The following SH3RF2 variants were observed in gnomAD, a reference collection of about 807,000 sequenced individuals.
SH3RF2 encodes the protein SH3 domain containing ring finger 2, also known as E3 ubiquitin-protein ligase SH3RF2.
Under a neutral mutation model 59.0 loss-of-function variants are expected in SH3RF2, and 43 were observed. The observed-to-expected ratio is 0.73, with a 90% CI of 0.57 to 0.94. SH3RF2 has a LOEUF of 0.94. Ranked by LOEUF, SH3RF2 falls within the 40% of genes least tolerant of loss-of-function variation. The pLI is 0.00. For missense variants in SH3RF2, 930 were observed against 940.1 expected (o/e 0.99, Z 0.14); for synonymous variants, 391 against 391.5 (o/e 1.00, Z 0.01).
intron 2 of SH3RF2, among the ~76,000 whole-genome samples, chr5:145,940,844 C>T (rs1366784268): frequency 6.6e-6 from 1 of 150,604 alleles, no homozygotes. Flanking sequence ...ATCTCCAAAA[C>T]ACTTTGAGAG....
chr5:146,067,366 T>C (rs947410307), downstream of SH3RF2, among the ~76,000 whole-genome samples: 6 of 152,198 alleles, frequency 3.9e-5, no homozygotes, highest in Admixed American at 1.3e-4. Flanking sequence ...CACAGCAGCC[T>C]GCTTCACTCA....
rs576790611 is a variant in SH3RF2 at position 146,043,400 on chromosome 5, T to TG, written c.1060-4371dup. Among the ~76,000 whole-genome samples the TG allele has an allele frequency of 6.1e-3, 933 of 152,312 alleles. 11 individuals are homozygous for TG. The highest frequency in any genetic ancestry group is 0.021 in the African/African-American group (893 of 41,560). ...CCTTCCCTAATTCCAGACCTCGAGC[T>TG]GAGTCAAGCTAAGGCCTCTTGGATG... On this transcript the variant is annotated intron_variant, in intron 5 of 9. Transcript: ENST00000359120.
chr5:146,010,578 G>C, intron 4 of SH3RF2, among the ~76,000 whole-genome samples: 1 of 152,190 alleles, frequency 6.6e-6, no homozygotes, highest in Non-Finnish European at 1.5e-5. Context: ...ATTCTAACCG[G>C]TGTGAGATGG....
chr5:146,053,298 C>T (rs1433593049), intron 7 of SH3RF2, among the ~76,000 whole-genome samples: 1 of 152,170 alleles, frequency 6.6e-6, no homozygotes, highest in Non-Finnish European at 1.5e-5. Context: ...CTTCCCAGAT[C>T]CTGGAGACTT....
At chr5:146,013,631 G>A in intron 4 of SH3RF2, 116 bp from the exon 5 acceptor site, 1 of 1,027,548 alleles carries the variant, frequency 9.7e-7, no homozygotes, top group Non-Finnish European at 1.4e-6. Context: ...ATGAGCATCT[G>A]AGCCAGTGAC....
intron 2 of SH3RF2, among the ~76,000 whole-genome samples, chr5:145,998,596 C>CT (rs771941891): frequency 2.0e-5 from 3 of 152,150 alleles, no homozygotes; most frequent in East Asian, 1.9e-4. Context: ...AAGTCAAACA[C>CT]TTTTTTTTCA....
chr5:146,072,669 TA>T (rs909990516), intron 9 of SH3RF2, among the ~76,000 whole-genome samples: 6 of 148,470 alleles, frequency 4.0e-5, no homozygotes, highest in African/African-American at 9.9e-5. Context: ...GACTCCATCT[TA>T]AAAAAAAAAG....
chr5:146,040,149 A>G (rs1762073164), intron 5 of SH3RF2, among the ~76,000 whole-genome samples: 1 of 152,204 alleles, frequency 6.6e-6, no homozygotes, highest in Admixed American at 6.5e-5. Context: ...GAGAGACTTG[A>G]TTATGGGGGA....
chr5:146,019,014 C>G (rs1460503171), intron 5 of SH3RF2, among the ~76,000 whole-genome samples: 1 of 151,958 alleles, frequency 6.6e-6, no homozygotes, highest in Non-Finnish European at 1.5e-5. Flanking sequence ...GGATATTAGT[C>G]CTTTGTCAAA....
chr5:145,978,865 T>A (rs1742016047), intron 2 of SH3RF2, among the ~76,000 whole-genome samples: 1 of 152,094 alleles, frequency 6.6e-6, no homozygotes, highest in South Asian at 2.1e-4. Flanking sequence ...CTTCCTTTTT[T>A]TCATTTGCCT....
At chr5:145,970,436 T>G (rs766631810) in intron 2 of SH3RF2, among the ~76,000 whole-genome samples, 9 of 152,240 alleles carry the variant, frequency 5.9e-5, no homozygotes, top group Non-Finnish European at 4.4e-5. Flanking sequence ...TCCAGGTTGC[T>G]GAGAATGCCA....
chr5:146,044,323 G>A (rs905564387), intron 5 of SH3RF2, among the ~76,000 whole-genome samples: 1 of 151,900 alleles, frequency 6.6e-6, no homozygotes, highest in South Asian at 2.1e-4. Flanking sequence ...GCTAATTTTT[G>A]TATGTTTAGT....
chr5:145,952,835 G>A (rs1758244228), intron 2 of SH3RF2, among the ~76,000 whole-genome samples: 1 of 152,154 alleles, frequency 6.6e-6, no homozygotes, highest in Admixed American at 6.5e-5. Context: ...AGCTACTGCA[G>A]TGGGCAGTAA....
In SH3RF2 at chr5:145,937,942, C is replaced by G. The variant is rs747821526; in HGVS notation, c.14C>G (p.Thr5Arg). The G allele has an allele frequency of 1.9e-6, 3 of 1,612,998 alleles. No homozygotes were observed. The highest frequency in any genetic ancestry group is 2.5e-6 in the Non-Finnish European group (3 of 1,179,400). The change falls in exon 2 of 10, where the codon ACG becomes AGG. Residue 5 changes from threonine (T) to arginine (R), a missense_variant. By Grantham distance (71) the Thr-to-Arg change is moderately conservative. Coordinates refer to ENST00000359120, the MANE Select transcript of SH3RF2 (RefSeq NM_152550.4). MDDL[T>R]LLDLLECPVC... is the part of the protein sequence containing the mutation. The stretch of plus-strand genomic sequence containing the variant: ...TTTTGAAATAAAATGGATGATTTGA[C>G]GTTACTTGATCTTCTGGAGTGCCCT...
intron 2 of SH3RF2, among the ~76,000 whole-genome samples, chr5:145,957,876 G>T (rs144211532): frequency 6.6e-6 from 1 of 152,194 alleles, no homozygotes; most frequent in Non-Finnish European, 1.5e-5. Flanking sequence ...ACTTTGAGAG[G>T]CCAAGGTGGG....
At chr5:146,028,320 A>T (rs1399192343) in intron 5 of SH3RF2, among the ~76,000 whole-genome samples, 1 of 152,258 alleles carries the variant, frequency 6.6e-6, no homozygotes, top group Non-Finnish European at 1.5e-5. Flanking sequence ...AGAGGGTAGT[A>T]TAGACATGTG....
chr5:146,008,802 A>G (rs777029328), intron 4 of SH3RF2, among the ~76,000 whole-genome samples: 38 of 152,154 alleles, frequency 2.5e-4, no homozygotes, highest in African/African-American at 9.2e-4. Context: ...TCCCCAACTC[A>G]TAAGTGCTGG....
chr5:146,045,868 G>A (rs1344900150), intron 5 of SH3RF2, among the ~76,000 whole-genome samples: 2 of 152,168 alleles, frequency 1.3e-5, no homozygotes, highest in South Asian at 2.1e-4. Flanking sequence ...GGGTCATATG[G>A]TAATCCTATG....
intron 4 of SH3RF2, among the ~76,000 whole-genome samples, chr5:146,010,066 C>T (rs1218552755): frequency 6.7e-6 from 1 of 150,198 alleles, no homozygotes; most frequent in African/African-American, 2.4e-5. Context: ...GTGTGATGTT[C>T]CCCTTCCTGT....
Sources: gnomAD v4.1 joint callset for allele counts (sites outside exome capture counted in the v4.1 genomes callset) on GRCh38, gnomAD v4.1.1 for gene constraint, MANE v1.5 for transcripts, NCBI Gene and HGNC (gene_info 2026-07-23, HGNC 2026-07-21) for gene names.